The following DPY19L2 variants were observed in gnomAD, a reference collection of about 807,000 sequenced individuals.
DPY19L2 encodes dpy-19 like 2.
DPY19L2 carries 34 observed loss-of-function variants against 97.9 expected under a neutral mutation model. The observed-to-expected ratio is 0.35, with a 90% CI of 0.26 to 0.46. The LOEUF (loss-of-function observed/expected upper bound fraction) is 0.46, where lower values mean the gene tolerates loss of function less well. Among genes scored for constraint, DPY19L2 ranks in the 20% least tolerant of loss-of-function variants. The pLI is 1.00. For synonymous variants in DPY19L2, 230 were observed against 307.9 expected (o/e 0.75, Z 2.65); for missense variants, 623 against 911.4 (o/e 0.68, Z 4.07).
chr12:63,646,785 T>C (rs1235467847), intron 5 of DPY19L2, among the ~76,000 whole-genome samples: 1 of 152,182 alleles, frequency 6.6e-6, no homozygotes, highest in Non-Finnish European at 1.5e-5. Flanking sequence ...TTATTAATAG[T>C]ACTCATGGAC....
chr12:63,646,173 G>A (rs3965244), intron 5 of DPY19L2, among the ~76,000 whole-genome samples: 1 of 152,104 alleles, frequency 6.6e-6, no homozygotes, highest in South Asian at 2.1e-4. Context: ...TACAGCATAA[G>A]CTCTATGAGG....
In DPY19L2 at chr12:63,663,881, C is replaced by T. The variant is rs190227340; in HGVS notation, c.363-36G>A. 58 of 1,426,244 alleles carry T rather than the reference C, an allele frequency of 4.1e-5. 2 individuals carry two copies. In the Middle Eastern group the frequency reaches 1.1e-3, roughly 26 times the overall value. 88.3% of individuals were successfully genotyped at this position (1,426,244 alleles called of 1,614,324 possible). On this transcript the variant is annotated intron_variant, in intron 2 of 21. Coordinates refer to ENST00000324472, the MANE Select transcript of DPY19L2 (RefSeq NM_173812.5). ...ATGAAGTATCATATTACAATAAGAA[C>T]GAGTTTCAAAACTAACAGTAAAATA...
At chr12:63,563,565 T>C (rs1361676784) in intron 21 of DPY19L2, among the ~76,000 whole-genome samples, 3 of 152,178 alleles carry the variant, frequency 2.0e-5, no homozygotes, top group South Asian at 4.1e-4. Flanking sequence ...CTTCACTTGA[T>C]TGGTTTTCAA....
At position 63,570,644 on chromosome 12, in the gene DPY19L2, AGTTT is replaced by A. The variant is rs776220505; in HGVS notation, c.2000+110_2000+113del. 4 of 904,254 alleles carry A rather than the reference AGTTT, an allele frequency of 4.4e-6. No homozygotes were observed. The Admixed American group carries it at 1.2e-4, about 27-fold the overall frequency. The allele number at this position is 904,254 out of a possible 1,614,324, so 56.0% of individuals were successfully genotyped here. Reference sequence around the variant, plus strand: ...AACTTCCAGTATGAAAATGAGGATGAGTTTGTGTGTGTGTGTGTGTGTGTGTGTG... The same window carrying A: ...AACTTCCAGTATGAAAATGAGGATGAGTGTGTGTGTGTGTGTGTGTGTGTG... On this transcript the variant is annotated intron_variant, in intron 20 of 21. Coordinates refer to ENST00000324472, the MANE Select transcript of DPY19L2 (RefSeq NM_173812.5).
At chr12:63,634,694 A>G (rs1219800669) in intron 6 of DPY19L2, among the ~76,000 whole-genome samples, 5 of 152,152 alleles carry the variant, frequency 3.3e-5, no homozygotes, top group Non-Finnish European at 2.9e-5. Flanking sequence ...CTAGCACAGC[A>G]GTCTGAGATC....
At chr12:63,616,186 T>A (rs553369819) in intron 11 of DPY19L2, among the ~76,000 whole-genome samples, 1 of 151,872 alleles carries the variant, frequency 6.6e-6, no homozygotes, top group Non-Finnish European at 1.5e-5. Flanking sequence ...GAAGGGGACA[T>A]TGTACTCATC....
At chr12:63,564,472 T>A (rs970470087) in intron 21 of DPY19L2, among the ~76,000 whole-genome samples, 3 of 152,142 alleles carry the variant, frequency 2.0e-5, no homozygotes, top group Non-Finnish European at 4.4e-5. Flanking sequence ...ACCCTCCTTT[T>A]GTTTCTTCTT....
At chr12:63,667,584 A>T (rs1251329643) in intron 1 of DPY19L2, among the ~76,000 whole-genome samples, 1 of 151,864 alleles carries the variant, frequency 6.6e-6, no homozygotes, top group African/African-American at 2.4e-5. Context: ...AGACACCAAC[A>T]CTCCCAACTT....
At chr12:63,650,071 C>A (rs1893989570) in intron 4 of DPY19L2, among the ~76,000 whole-genome samples, 6 of 152,060 alleles carry the variant, frequency 3.9e-5, no homozygotes, top group Admixed American at 3.9e-4. Context: ...AAAAACCCCA[C>A]ATGATTATCT....
chr12:63,614,099 A>C (rs899131364), intron 11 of DPY19L2, among the ~76,000 whole-genome samples: 7 of 151,482 alleles, frequency 4.6e-5, no homozygotes, highest in African/African-American at 1.7e-4. Context: ...CTGAGGCAAG[A>C]GAATCTCTTG....
At chr12:63,593,032 T>G (rs1488194353) in intron 16 of DPY19L2, among the ~76,000 whole-genome samples, 3 of 150,962 alleles carry the variant, frequency 2.0e-5, no homozygotes, top group Admixed American at 2.0e-4. Flanking sequence ...AAAAAACACA[T>G]GAAAAAATGC....
chr12:63,566,446 C>A (rs1877719755), intron 21 of DPY19L2, among the ~76,000 whole-genome samples: 1 of 151,892 alleles, frequency 6.6e-6, no homozygotes, highest in Non-Finnish European at 1.5e-5. Context: ...ATACTATACT[C>A]CCCCCACATT....
At chr12:63,623,842 T>A (rs1467273622) in intron 8 of DPY19L2, 198 bp downstream of exon 8, 5 of 411,784 alleles carry the variant, frequency 1.2e-5, no homozygotes, top group Non-Finnish European at 2.3e-5. Context: ...GTAGCTGGGA[T>A]GACAGATGCA....
At chr12:63,618,694 G>A (rs1422313745) in intron 9 of DPY19L2, among the ~76,000 whole-genome samples, 1 of 152,070 alleles carries the variant, frequency 6.6e-6, no homozygotes, top group African/African-American at 2.4e-5. Context: ...AAATCAAGCA[G>A]CCCTCAGAAA....
chr12:63,628,352 C>T (rs764903203), intron 6 of DPY19L2, among the ~76,000 whole-genome samples: 7 of 152,142 alleles, frequency 4.6e-5, no homozygotes, highest in Non-Finnish European at 1.0e-4. Flanking sequence ...CCTGGAAAAT[C>T]GGGTCACTCC....
intron 11 of DPY19L2, among the ~76,000 whole-genome samples, chr12:63,616,839 C>A (rs1271491082): frequency 6.6e-6 from 1 of 152,046 alleles, no homozygotes; most frequent in African/African-American, 2.4e-5. Flanking sequence ...TTACCCAGCC[C>A]AATCACACAA....
At chr12:63,595,878 C>G in intron 15 of DPY19L2, 88 bp downstream of exon 15, 1 of 1,241,140 alleles carries the variant, frequency 8.1e-7, no homozygotes, top group Non-Finnish European at 1.1e-6. Flanking sequence ...AGAGTTCATC[C>G]TAAAAATAAC....
At chr12:63,595,788 A>C (rs894662326) in intron 15 of DPY19L2, among the ~76,000 whole-genome samples, 178 bp downstream of exon 15, 2 of 152,198 alleles carry the variant, frequency 1.3e-5, no homozygotes, top group African/African-American at 4.8e-5. Context: ...AGAAAAAATA[A>C]GAATACCTTT....
At chr12:63,590,898 A>C (rs1379198331) in intron 16 of DPY19L2, 5 of 330,454 alleles carry the variant, frequency 1.5e-5, no homozygotes, top group Non-Finnish European at 3.1e-5. Flanking sequence ...CAATACATAG[A>C]CTTCCATATT....
Sources: allele counts gnomAD v4.1 joint callset (sites outside exome capture counted in the v4.1 genomes callset), GRCh38; gene constraint gnomAD v4.1.1; transcripts MANE v1.5; gene names NCBI Gene and HGNC (gene_info 2026-07-23, HGNC 2026-07-21).